The following PDXP variants were observed in gnomAD, a reference collection of about 807,000 sequenced individuals.
PDXP encodes chronophin.
A neutral mutation model predicts 14.4 loss-of-function variants in PDXP; 15 were observed. That is an observed-to-expected ratio of 1.04 (90% CI 0.70 to 1.60). The LOEUF is 1.60. Ranked by LOEUF, PDXP falls within the 40% of genes most tolerant of loss-of-function variation. The pLI, the probability that PDXP is intolerant of heterozygous loss-of-function variation, is 0.00. For synonymous variants in PDXP, 233 were observed against 205.6 expected (o/e 1.13, Z -1.14); for missense variants, 413 against 427.6 (o/e 0.97, Z 0.30).
chr22:37,659,768 C>T (rs1336101625), intron 1 of PDXP, among the ~76,000 whole-genome samples: 1 of 152,174 alleles, frequency 6.6e-6, no homozygotes, highest in African/African-American at 2.4e-5. Context: ...GGTCCAGCTC[C>T]AGCTTCACAG....
chr22:37,660,691 G>C (rs1933185521), intron 1 of PDXP, among the ~76,000 whole-genome samples: 1 of 152,196 alleles, frequency 6.6e-6, no homozygotes, highest in Non-Finnish European at 1.5e-5. Context: ...GTTGGCCACT[G>C]ACCCGGACAG....
chr22:37,661,014 G>A (rs991821926), intron 1 of PDXP, among the ~76,000 whole-genome samples: 1 of 152,122 alleles, frequency 6.6e-6, no homozygotes, highest in African/African-American at 2.4e-5. Flanking sequence ...GGCTGTCAGC[G>A]GCAGCAGCTC....
Position 37,658,791 on chromosome 22 carries a change from C to G in PDXP, c.9C>G (p.Arg3=). 1 of 1,174,204 alleles carries G rather than the reference C, an allele frequency of 8.5e-7. No individual in the cohort carries two copies. The highest frequency in any genetic ancestry group is 1.1e-6 in the Non-Finnish European group (1 of 950,854). The allele number at this position is 1,174,204 out of a possible 1,614,324, so 72.7% of individuals were successfully genotyped here. The part of the protein sequence containing the change: MA[R]CERLRGAALR... Reference sequence around the variant, plus strand: ...GGCGGCCGGCCGGCTGCATGGCGCGCTGCGAGAGGCTGCGCGGAGCGGCCC... The same window carrying G: ...GGCGGCCGGCCGGCTGCATGGCGCGGTGCGAGAGGCTGCGCGGAGCGGCCC... Residue 3 remains arginine (R), a synonymous_variant, in exon 1 of 2, where the codon CGC becomes CGG. Coordinates refer to ENST00000215904, the MANE Select transcript of PDXP (RefSeq NM_020315.5).
intron 1 of PDXP, among the ~76,000 whole-genome samples, 162 bp downstream of exon 1, chr22:37,659,518 C>T (rs764164013): frequency 1.3e-5 from 2 of 152,158 alleles, no homozygotes; most frequent in Non-Finnish European, 2.9e-5. Flanking sequence ...GCGGTTGATC[C>T]CTGTAGCCGT....
In PDXP at chr22:37,665,589, C is replaced by T. The variant is rs1198608870; in HGVS notation, c.609C>T (p.Ala203=). The change falls in exon 2 of 2, where the codon GCC becomes GCT. Residue 203 remains alanine (A), a synonymous_variant. Coordinates refer to ENST00000215904, the MANE Select transcript of PDXP (RefSeq NM_020315.5). ...GCCTGGCCGCTGCAGTGGAGACAGC[C>T]TCGGGACGCCAGGCCCTGGTGGTGG... ...TGSLAAAVET[A]SGRQALVVGK... 6 of 1,612,402 alleles carry T rather than the reference C, an allele frequency of 3.7e-6. No individual in the cohort carries two copies. In the Admixed American group the frequency reaches 1.0e-4, roughly 27 times the overall value.
intron 1 of PDXP, among the ~76,000 whole-genome samples, chr22:37,663,331 G>T: frequency 6.7e-6 from 1 of 150,074 alleles, no homozygotes. Context: ...TCATATAGTT[G>T]TAAGTTTGTA....
chr22:37,661,917 ATTTTTTTTTTTTTTTTTTTTTTTTTTTTT>A (rs763030330), intron 1 of PDXP, among the ~76,000 whole-genome samples: 2 of 71,190 alleles, frequency 2.8e-5, no homozygotes, highest in Non-Finnish European at 5.1e-5. Flanking sequence ...TTTTTCTTTA[ATTTTTTTTTTTTTTTTTTTTTTTTTTTTT>A]TTTTTTTTTT....
chr22:37,665,001 C>G (rs1921018704), intron 1 of PDXP: 1 of 157,576 alleles, frequency 6.3e-6, no homozygotes, highest in Non-Finnish European at 1.4e-5. Flanking sequence ...GTTTCTAACG[C>G]CAGCCGCGTG....
chr22:37,663,800 G>A (rs1359228873), intron 1 of PDXP, among the ~76,000 whole-genome samples: 6 of 152,060 alleles, frequency 3.9e-5, no homozygotes, highest in African/African-American at 7.2e-5. Context: ...GCCCTGGACC[G>A]GATGTCGGTG....
At chr22:37,665,529 C>G (rs776147859) in intron 1 of PDXP, 26 bp from the exon 2 acceptor site, 2 of 1,567,402 alleles carry the variant, frequency 1.3e-6, no homozygotes, top group Admixed American at 3.4e-5. Flanking sequence ...CGCCCTCCTG[C>G]TGACTGCGTC....
Position 37,665,805 on chromosome 22 carries a change from G to A in PDXP, c.825G>A (p.Gln275=), listed in dbSNP as rs751502468. The A allele has an allele frequency of 6.2e-6, 10 of 1,614,024 alleles. No homozygotes were observed. The East Asian group carries it at 1.8e-4, about 29-fold the overall frequency. ...EEAQAYLAAG[Q]HDLVPHYYVE... ...CCCAGGCCTACCTAGCGGCCGGCCA[G>A]CACGACCTCGTGCCCCATTACTATG... The change falls in exon 2 of 2, where the codon CAG becomes CAA. Residue 275 remains glutamine, a synonymous_variant. Transcript: ENST00000215904.
chr22:37,665,799 C>T lies in PDXP; in HGVS notation c.819C>T (p.Ala273=), dbSNP rs375618404. The stretch of plus-strand genomic sequence containing the variant: ...AAGAGGCCCAGGCCTACCTAGCGGC[C>T]GGCCAGCACGACCTCGTGCCCCATT... The part of the protein sequence containing the change: ...RLEEAQAYLA[A]GQHDLVPHYY... Residue 273 remains alanine (A), a synonymous_variant, in exon 2 of 2, where the codon GCC becomes GCT. Coordinates refer to ENST00000215904, the MANE Select transcript of PDXP (RefSeq NM_020315.5). 126 of 1,613,926 alleles carry T rather than the reference C, an allele frequency of 7.8e-5. No homozygotes were observed. Among genetic ancestry groups the T allele is most frequent in the Non-Finnish European group, 9.8e-5 (116 of 1,180,050 alleles).
At chr22:37,665,455 G>T in intron 1 of PDXP, 100 bp from the exon 2 acceptor site, 1 of 975,938 alleles carries the variant, frequency 1.0e-6, no homozygotes, top group South Asian at 1.6e-5. Flanking sequence ...GTCAGCAGCC[G>T]ATTTGACCCT....
In PDXP at chr22:37,658,846, G is replaced by A. The variant is rs780427943; in HGVS notation, c.64G>A (p.Val22Ile). ...LRDVLGRAQG[V>I]LFDCDGVLWN... The stretch of plus-strand genomic sequence containing the variant: ...CGACGTGCTGGGCCGGGCGCAGGGG[G>A]TCCTGTTCGACTGTGACGGGGTGCT... Residue 22 changes from valine to isoleucine, a missense_variant, in exon 1 of 2, where the codon GTC (valine) becomes ATC (isoleucine). Transcript: ENST00000215904. 1.8e-4 allele frequency: 212 copies of A among 1,206,446 alleles called. No homozygotes were observed. Among genetic ancestry groups the A allele is most frequent in the Non-Finnish European group, 2.1e-4 (207 of 970,334 alleles). The allele number at this position is 1,206,446 out of a possible 1,614,324, so 74.7% of individuals were successfully genotyped here.
At chr22:37,660,200 G>C (rs1168552743) in intron 1 of PDXP, among the ~76,000 whole-genome samples, 2 of 152,116 alleles carry the variant, frequency 1.3e-5, no homozygotes, top group South Asian at 2.1e-4. Context: ...ATCTCTAAAA[G>C]AAGAGGAAAG....
intron 1 of PDXP, among the ~76,000 whole-genome samples, chr22:37,661,995 G>A (rs569591109): frequency 1.6e-5 from 2 of 124,992 alleles, no homozygotes; most frequent in East Asian, 5.0e-4. Context: ...AGGCTGGAGT[G>A]CAGTGGCCTG....
Position 37,659,132 on chromosome 22 carries a change from G to A in PDXP, c.350G>A (p.Gly117Glu), listed in dbSNP as rs1933145806. The A allele has an allele frequency of 9.8e-7, 1 of 1,017,544 alleles. No homozygotes were observed. Among genetic ancestry groups the A allele is most frequent in the Non-Finnish European group, 1.2e-6 (1 of 852,946 alleles). The allele number at this position is 1,017,544 out of a possible 1,614,324, so 63.0% of individuals were successfully genotyped here. Residue 117 changes from glycine (G) to glutamate (E), a missense_variant, in exon 1 of 2, where the codon GGG (glycine) becomes GAG (glutamate). Coordinates refer to ENST00000215904, the MANE Select transcript of PDXP (RefSeq NM_020315.5). ...PGAVFVLGGE[G>E]LRAELRAAGL... ...GCCGTGTTCGTGCTGGGCGGCGAGG[G>A]GCTGCGCGCCGAGCTGCGCGCCGCG... is the stretch of plus-strand genomic sequence containing the variant.
rs533603128 is a variant in PDXP at position 37,665,378 on chromosome 22, G to T, written c.575-177G>T. 1.1e-4 allele frequency among the ~76,000 whole-genome samples: 16 copies of T among 152,212 alleles called. No individual in the cohort carries two copies. The East Asian group carries it at 2.9e-3, about 28-fold the overall frequency. Reference sequence around the variant, plus strand: ...ACGGTGGAGATGGAGTCCAGATGCCGGCATCTGGTTGCCGTCTCTACCCTT... The same window carrying T: ...ACGGTGGAGATGGAGTCCAGATGCCTGCATCTGGTTGCCGTCTCTACCCTT... On this transcript the variant is annotated intron_variant, in intron 1 of 1. Coordinates refer to ENST00000215904, the MANE Select transcript of PDXP (RefSeq NM_020315.5).
At position 37,658,904 on chromosome 22, in the gene PDXP, C is replaced by A; in HGVS notation, c.122C>A (p.Pro41Gln). ...WNGERAVPGA[P>Q]ELLERLARAG... The stretch of plus-strand genomic sequence containing the variant: ...GGCGAGCGCGCCGTGCCGGGCGCCC[C>A]GGAGCTGCTGGAGCGGCTGGCGCGG... Residue 41 changes from proline (P) to glutamine (Q), a missense_variant, in exon 1 of 2, where the codon CCG (proline) becomes CAG (glutamine). Transcript: ENST00000215904. The A allele has an allele frequency of 8.1e-7, 1 of 1,227,662 alleles. No homozygotes were observed. The highest frequency in any genetic ancestry group is 1.0e-6 in the Non-Finnish European group (1 of 983,130). The allele number at this position is 1,227,662 out of a possible 1,614,324, so 76.0% of individuals were successfully genotyped here.
Sources: allele counts gnomAD v4.1 joint callset (sites outside exome capture counted in the v4.1 genomes callset), GRCh38; gene constraint gnomAD v4.1.1; transcripts MANE v1.5; gene names NCBI Gene and HGNC (gene_info 2026-07-23, HGNC 2026-07-21).